The following KIF16B variants were observed in gnomAD, a reference collection of about 807,000 sequenced individuals.
The protein encoded by KIF16B is kinesin-like protein KIF16B.
In KIF16B, 98 loss-of-function variants were observed where a neutral mutation model predicts 156.3. The observed-to-expected ratio is 0.63, with a 90% CI of 0.53 to 0.74. KIF16B has a LOEUF of 0.74. Among genes scored for constraint, KIF16B ranks in the 30% least tolerant of loss-of-function variants. KIF16B has a pLI of 0.00. For synonymous variants in KIF16B, 564 were observed against 583.7 expected (o/e 0.97, Z 0.49); for missense variants, 1,421 against 1,606.5 (o/e 0.88, Z 1.97).
intron 22 of KIF16B, chr20:16,368,250 T>C (rs1600221094): frequency 6.0e-6 from 6 of 1,002,764 alleles, no homozygotes; most frequent in Non-Finnish European, 7.1e-6. Flanking sequence ...GGCGAAAAAC[T>C]GAGCTTGGCG....
chr20:16,420,287 G>A (rs2066193859), intron 15 of KIF16B, among the ~76,000 whole-genome samples: 1 of 152,140 alleles, frequency 6.6e-6, no homozygotes, highest in Non-Finnish European at 1.5e-5. Context: ...CATAAGTGAG[G>A]CAGTTAACTG....
intron 17 of KIF16B, among the ~76,000 whole-genome samples, chr20:16,389,283 T>C (rs902828179): frequency 6.6e-6 from 1 of 152,156 alleles, no homozygotes; most frequent in African/African-American, 2.4e-5. Flanking sequence ...GCTGTGGCCA[T>C]CTTGAAATTC....
At chr20:16,505,941 T>C (rs2068762980) in intron 8 of KIF16B, 81 bp downstream of exon 8, 1 of 1,603,356 alleles carries the variant, frequency 6.2e-7, no homozygotes, top group Non-Finnish European at 8.5e-7. Flanking sequence ...TTGAAGAAAT[T>C]ACCTCAGTTT....
At chr20:16,303,620 A>G (rs1307033666) in intron 25 of KIF16B, among the ~76,000 whole-genome samples, 1 of 152,228 alleles carries the variant, frequency 6.6e-6, no homozygotes, top group Non-Finnish European at 1.5e-5. Context: ...TTAACTGGAC[A>G]CTGAACAAAT....
At chr20:16,278,448 T>C (rs2063096695) in intron 25 of KIF16B, among the ~76,000 whole-genome samples, 1 of 152,226 alleles carries the variant, frequency 6.6e-6, no homozygotes, top group African/African-American at 2.4e-5. Flanking sequence ...TTATCAATAC[T>C]TTCAGAAAAT....
At chr20:16,435,046 T>C (rs552873065) in intron 12 of KIF16B, among the ~76,000 whole-genome samples, 2 of 152,362 alleles carry the variant, frequency 1.3e-5, no homozygotes, top group Non-Finnish European at 2.9e-5. Context: ...AAAAGTTGTA[T>C]GTGATTTTAT....
intron 12 of KIF16B, among the ~76,000 whole-genome samples, chr20:16,459,305 C>T (rs1159978373): frequency 6.6e-6 from 1 of 152,164 alleles, no homozygotes; most frequent in Non-Finnish European, 1.5e-5. Flanking sequence ...AGAAACTATA[C>T]ATTAATATAC....
chr20:16,367,476 A>C (rs765715517), intron 22 of KIF16B: 1 of 1,612,932 alleles, frequency 6.2e-7, no homozygotes, highest in South Asian at 1.1e-5. Context: ...TGCGTGGATA[A>C]AAAACACAGT....
intron 12 of KIF16B, among the ~76,000 whole-genome samples, chr20:16,493,456 C>T (rs556137008): frequency 6.6e-6 from 1 of 152,328 alleles, no homozygotes; most frequent in East Asian, 1.9e-4. Context: ...TCTGCCAAGA[C>T]ATTCTGCCAA....
chr20:16,434,674 T>C (rs952252489), intron 12 of KIF16B, among the ~76,000 whole-genome samples: 2 of 152,214 alleles, frequency 1.3e-5, no homozygotes, highest in Non-Finnish European at 2.9e-5. Flanking sequence ...AGGCACACAG[T>C]AGTCACTCAG....
At chr20:16,468,967 A>G (rs1230880663) in intron 12 of KIF16B, among the ~76,000 whole-genome samples, 1 of 152,188 alleles carries the variant, frequency 6.6e-6, no homozygotes, top group Non-Finnish European at 1.5e-5. Context: ...ACAAATGTAA[A>G]GGAACATGGG....
In KIF16B at chr20:16,272,520, G is replaced by A. The variant is rs1478001507; in HGVS notation, c.*733C>T. 2 of 152,610 alleles carry A rather than the reference G, an allele frequency of 1.3e-5. No homozygotes were observed. The highest frequency in any genetic ancestry group is 2.9e-5 in the Non-Finnish European group (2 of 68,036). 9.5% of individuals were successfully genotyped at this position (152,610 alleles called of 1,614,324 possible). A position where few individuals can be genotyped will look rare whatever the true frequency, so the allele number is the denominator to read the frequency against. On this transcript the variant is annotated 3_prime_UTR_variant, in exon 26 of 26. Transcript: ENST00000354981. ...AGCAGAAAAAGCTCAAGAATGCACA[G>A]TAGCCATTTAGATTTGGGAGAATGT...
intron 1 of KIF16B, among the ~76,000 whole-genome samples, chr20:16,529,852 G>A (rs903096898): frequency 2.0e-5 from 3 of 152,154 alleles, no homozygotes; most frequent in Admixed American, 6.5e-5. Flanking sequence ...TCGGGAGGCT[G>A]AGGCAGGAGA....
intron 12 of KIF16B, among the ~76,000 whole-genome samples, chr20:16,444,462 T>C (rs1328965783): frequency 1.3e-5 from 2 of 152,238 alleles, no homozygotes; most frequent in African/African-American, 4.8e-5. Context: ...TTTATTGGAA[T>C]ACATGTTCCA....
intron 25 of KIF16B, among the ~76,000 whole-genome samples, chr20:16,302,479 C>A (rs1405065836): frequency 4.6e-5 from 7 of 152,144 alleles, no homozygotes; most frequent in Non-Finnish European, 8.8e-5. Context: ...TCTGTCTATT[C>A]TTTCACCAGT....
chr20:16,445,847 T>C (rs988932920), intron 12 of KIF16B, among the ~76,000 whole-genome samples: 2 of 152,190 alleles, frequency 1.3e-5, no homozygotes, highest in African/African-American at 4.8e-5. Flanking sequence ...AAACATTGCA[T>C]CTAATAAAAT....
intron 3 of KIF16B, among the ~76,000 whole-genome samples, chr20:16,516,591 G>A (rs561105489): frequency 6.6e-6 from 1 of 152,112 alleles, no homozygotes; most frequent in Non-Finnish European, 1.5e-5. Context: ...CCAGATGAAG[G>A]GCTCCTCTGT....
chr20:16,521,996 T>G lies in KIF16B; in HGVS notation c.231+4096A>C, dbSNP rs2069370209. On this transcript the variant is annotated intron_variant, in intron 3 of 25. Transcript: ENST00000354981. ...TGAGAGATTTTGCCACCACCAGGCCTGCCTTACACGAGCTCCTGAAGGAAG... is the reference window on the plus strand; with the variant it reads ...TGAGAGATTTTGCCACCACCAGGCCGGCCTTACACGAGCTCCTGAAGGAAG... Among the ~76,000 whole-genome samples the G allele has an allele frequency of 4.6e-5, 7 of 152,164 alleles. No individual in the cohort carries two copies. The South Asian group carries it at 1.5e-3, about 32-fold the overall frequency.
intron 25 of KIF16B, among the ~76,000 whole-genome samples, chr20:16,273,661 C>CTCAATCAATCAA (rs35085462): frequency 3.3e-5 from 5 of 149,278 alleles, no homozygotes; most frequent in Admixed American, 6.7e-5. Flanking sequence ...AAGACCCTGT[C>CTCAATCAATCAA]TCAATCAATC....
Sources: gnomAD v4.1 joint callset for allele counts (sites outside exome capture counted in the v4.1 genomes callset) on GRCh38, gnomAD v4.1.1 for gene constraint, MANE v1.5 for transcripts, NCBI Gene and HGNC (gene_info 2026-07-23, HGNC 2026-07-21) for gene names.